Variants in SLIT2 observed in about 807,000 individuals in gnomAD.
The protein encoded by SLIT2 is slit homolog 2 protein.
In SLIT2, 41 loss-of-function variants were observed where a neutral mutation model predicts 185.7. The observed-to-expected ratio is 0.22, with a 90% CI of 0.17 to 0.29. SLIT2 has a LOEUF of 0.29. Among genes scored for constraint, SLIT2 ranks in the 10% least tolerant of loss-of-function variants. The pLI is 1.00. For synonymous variants in SLIT2, 693 were observed against 680.2 expected (o/e 1.02, Z -0.29); for missense variants, 1,571 against 1,909.0 (o/e 0.82, Z 3.30).
Position 20,539,432 on chromosome 4 carries a change from T to TC in SLIT2, c.1833-5dup. On this transcript the variant is annotated splice_polypyrimidine_tract_variant and intron_variant, in intron 18 of 36. Coordinates refer to ENST00000504154, the MANE Select transcript of SLIT2 (RefSeq NM_004787.4). ...TGTCTCCATAACAATGTCCTTTTTT[T>TC]CCCCTCAGGATGTTGAGAAGCAATC... The TC allele has an allele frequency of 6.2e-7, 1 of 1,607,718 alleles. No individual in the cohort carries two copies. Among genetic ancestry groups the TC allele is most frequent in the Non-Finnish European group, 8.5e-7 (1 of 1,177,720 alleles).
intron 4 of SLIT2, among the ~76,000 whole-genome samples, chr4:20,430,253 T>C (rs148490466): frequency 2.0e-5 from 3 of 152,350 alleles, no homozygotes; most frequent in East Asian, 1.9e-4. Context: ...AGCTAGACCA[T>C]TGGAGTTGCA....
intron 8 of SLIT2, among the ~76,000 whole-genome samples, chr4:20,491,292 T>C (rs1218370549): frequency 2.0e-5 from 3 of 152,324 alleles, no homozygotes; most frequent in East Asian, 1.9e-4. Context: ...ATTATTTAAT[T>C]TGAGCAACAA....
At chr4:20,592,562 A>G (rs1727593967) in intron 30 of SLIT2, among the ~76,000 whole-genome samples, 1 of 152,166 alleles carries the variant, frequency 6.6e-6, no homozygotes, top group South Asian at 2.1e-4. Context: ...GAAAAATAGT[A>G]TTTGGAGAGA....
At chr4:20,565,718 G>A (rs1350216203) in intron 26 of SLIT2, among the ~76,000 whole-genome samples, 10 of 151,800 alleles carry the variant, frequency 6.6e-5, no homozygotes, top group Non-Finnish European at 4.4e-5. Flanking sequence ...AGTGACTGAG[G>A]CATCACTAGA....
chr4:20,518,936 A>G (rs1720566437), intron 11 of SLIT2, among the ~76,000 whole-genome samples: 1 of 152,054 alleles, frequency 6.6e-6, no homozygotes, highest in African/African-American at 2.4e-5. Context: ...AAACTAACAT[A>G]ATACTTTAAC....
At chr4:20,399,760 T>A (rs763450240) in intron 4 of SLIT2, among the ~76,000 whole-genome samples, 1 of 151,724 alleles carries the variant, frequency 6.6e-6, no homozygotes, top group Non-Finnish European at 1.5e-5. Flanking sequence ...TAAGAGGGTG[T>A]CTCTCCTAGA....
intron 11 of SLIT2, among the ~76,000 whole-genome samples, chr4:20,515,746 C>G (rs1322748406): frequency 6.6e-6 from 1 of 152,030 alleles, no homozygotes; most frequent in Admixed American, 6.6e-5. Flanking sequence ...CCCATAACAC[C>G]TTTTTCATGA....
intron 4 of SLIT2, among the ~76,000 whole-genome samples, chr4:20,460,817 C>A (rs1293574833): frequency 6.6e-6 from 1 of 152,026 alleles, no homozygotes; most frequent in Non-Finnish European, 1.5e-5. Flanking sequence ...GTATGTGGAA[C>A]CTAAAAATGT....
chr4:20,539,844 T>A (rs1365476608), intron 19 of SLIT2, among the ~76,000 whole-genome samples: 1 of 152,174 alleles, frequency 6.6e-6, no homozygotes, highest in Admixed American at 6.5e-5. Context: ...GTAGCTTAAT[T>A]CCAAATTTTA....
At chr4:20,554,191 T>C in intron 26 of SLIT2, 2 of 598,758 alleles carry the variant, frequency 3.3e-6, no homozygotes, top group Admixed American at 2.6e-5. Flanking sequence ...ATGACCAAGT[T>C]TTCTTGAAAG....
intron 4 of SLIT2, among the ~76,000 whole-genome samples, chr4:20,345,868 C>T (rs1721368733): frequency 1.3e-5 from 2 of 152,006 alleles, no homozygotes; most frequent in Admixed American, 6.6e-5. Flanking sequence ...CTTCTTGATC[C>T]CCTTTCTCCT....
intron 10 of SLIT2, 34 bp from the exon 11 acceptor site, chr4:20,511,028 TTTGA>T: frequency 1.5e-6 from 2 of 1,300,248 alleles, no homozygotes; most frequent in Non-Finnish European, 2.2e-6. Context: ...CTCACTGACA[TTTGA>T]TTGAATGTAA....
At chr4:20,319,872 A>G (rs536293733) in intron 4 of SLIT2, among the ~76,000 whole-genome samples, 3 of 152,154 alleles carry the variant, frequency 2.0e-5, no homozygotes, top group South Asian at 4.1e-4. Context: ...AGTATCTTTG[A>G]ATAGCCCTGG....
rs1175250426 is a variant in SLIT2, at chr4:20,523,733, T to C, written c.1131-27T>C. The C allele has an allele frequency of 2.5e-6, 4 of 1,608,178 alleles. No individual in the cohort carries two copies. In the African/African-American group the frequency reaches 5.3e-5, roughly 21 times the overall value. Reference sequence around the variant, plus strand: ...GGTGAGTTAATAAGATGCTACACTTTAATTCTACAACTATTTAATCAAACA... The same window carrying C: ...GGTGAGTTAATAAGATGCTACACTTCAATTCTACAACTATTTAATCAAACA... On this transcript the variant is annotated intron_variant, in intron 12 of 36. Coordinates refer to ENST00000504154, the MANE Select transcript of SLIT2 (RefSeq NM_004787.4).
At chr4:20,576,050 G>GT (rs1394909583) in intron 29 of SLIT2, among the ~76,000 whole-genome samples, 3 of 152,198 alleles carry the variant, frequency 2.0e-5, no homozygotes, top group Admixed American at 2.0e-4. Context: ...ATGTAACTAT[G>GT]TATCGGAAAA....
intron 4 of SLIT2, among the ~76,000 whole-genome samples, chr4:20,415,928 T>C (rs1292775974): frequency 6.6e-6 from 1 of 152,224 alleles, no homozygotes; most frequent in Non-Finnish European, 1.5e-5. Flanking sequence ...CTTTGATTTA[T>C]TAAATTCTTA....
chr4:20,610,396 A>G (rs972901056), intron 34 of SLIT2, among the ~76,000 whole-genome samples: 6 of 152,216 alleles, frequency 3.9e-5, no homozygotes, highest in Non-Finnish European at 7.3e-5. Context: ...TGGGTAGAGA[A>G]AGACATTAAT....
chr4:20,352,828 G>A (rs914235266), intron 4 of SLIT2, among the ~76,000 whole-genome samples: 5 of 152,084 alleles, frequency 3.3e-5, no homozygotes, highest in African/African-American at 7.2e-5. Context: ...TGGGAGAATC[G>A]CTTGAACCTG....
At chr4:20,614,709 G>A (rs1388346564) in intron 34 of SLIT2, among the ~76,000 whole-genome samples, 2 of 151,862 alleles carry the variant, frequency 1.3e-5, no homozygotes, top group Admixed American at 6.6e-5. Context: ...CCCAGGAGGC[G>A]GGGGTTGCAG....
Sources: gnomAD v4.1 joint callset for allele counts (sites outside exome capture counted in the v4.1 genomes callset) on GRCh38, gnomAD v4.1.1 for gene constraint, MANE v1.5 for transcripts, NCBI Gene and HGNC (gene_info 2026-07-23, HGNC 2026-07-21) for gene names.